Variants in PLD5 observed in about 807,000 individuals in gnomAD.
PLD5 encodes the protein phospholipase D family member 5, also known as inactive phospholipase D5.
Under a neutral mutation model 61.1 loss-of-function variants are expected in PLD5, and 36 were observed. The observed-to-expected ratio is 0.59, with a 90% CI of 0.45 to 0.78. The LOEUF is 0.78. Ranked by LOEUF, PLD5 falls within the 30% of genes least tolerant of loss-of-function variation. PLD5 has a pLI of 0.00. For synonymous variants in PLD5, 243 were observed against 242.8 expected, an observed-to-expected ratio of 1.00 and a Z score of -0.01; for missense variants, 515 against 644.4, an observed-to-expected ratio of 0.80 and a Z score of 2.17.
At chr1:242,452,783 A>C (rs1572179791) in intron 1 of PLD5, among the ~76,000 whole-genome samples, 1 of 152,064 alleles carries the variant, frequency 6.6e-6, no homozygotes, top group Non-Finnish European at 1.5e-5. Flanking sequence ...GCCACTGCAC[A>C]CCAGCCTGGG....
At position 242,390,487 on chromosome 1, in the gene PLD5, G is replaced by T. The variant is rs536302417; in HGVS notation, c.190-42245C>A. 2.0e-5 allele frequency among the ~76,000 whole-genome samples: 3 copies of T among 152,216 alleles called. No homozygotes were observed. In the South Asian group the frequency reaches 6.2e-4, roughly 32 times the overall value. Reference sequence around the variant, plus strand: ...CTGGTGGCAAATAAAAGGATATAATGTTAAAACATTCCATGAGCAAAACCC... The same window carrying T: ...CTGGTGGCAAATAAAAGGATATAATTTTAAAACATTCCATGAGCAAAACCC... On this transcript the variant is annotated intron_variant, in intron 1 of 9. Coordinates refer to ENST00000536534, the MANE Select transcript of PLD5 (RefSeq NM_001372062.1).
At chr1:242,396,106 T>C (rs1266264940) in intron 1 of PLD5, among the ~76,000 whole-genome samples, 1 of 152,148 alleles carries the variant, frequency 6.6e-6, no homozygotes, top group African/African-American at 2.4e-5. Context: ...CAGTTCCTTA[T>C]GACTGGAGAC....
intron 1 of PLD5, among the ~76,000 whole-genome samples, chr1:242,407,556 G>GGTTTTT (rs1553369639): frequency 9.5e-6 from 1 of 105,514 alleles, no homozygotes; most frequent in African/African-American, 4.7e-5. Flanking sequence ...TGTTGTGGTT[G>GGTTTTT]TTTTGTTTTT....
Position 242,486,171 on chromosome 1 carries a change from G to A in PLD5, c.189+37917C>T, listed in dbSNP as rs369024008. Among the ~76,000 whole-genome samples, 16 of 151,932 alleles carry A rather than the reference G, an allele frequency of 1.1e-4. 1 individual carries two copies. Among genetic ancestry groups the A allele is most frequent in the African/African-American group, 2.9e-4 (12 of 41,470 alleles). ...TAGGCATGGGCAAGGACTTCATGTCGAAAACACCAAAAGCAATGGCAACAA... is the reference window on the plus strand; with the variant it reads ...TAGGCATGGGCAAGGACTTCATGTCAAAAACACCAAAAGCAATGGCAACAA... On this transcript the variant is annotated intron_variant, in intron 1 of 9. Transcript: ENST00000536534.
intron 5 of PLD5, among the ~76,000 whole-genome samples, chr1:242,139,444 T>C (rs1663996639): frequency 6.6e-6 from 1 of 152,070 alleles, no homozygotes; most frequent in African/African-American, 2.4e-5. Flanking sequence ...AACTTGCTTT[T>C]CCAAGGGTTC....
chr1:242,322,778 T>C (rs1658502816), intron 2 of PLD5, among the ~76,000 whole-genome samples: 1 of 152,242 alleles, frequency 6.6e-6, no homozygotes, highest in Non-Finnish European at 1.5e-5. Flanking sequence ...GCCACAAGTG[T>C]AAGTTTCCTG....
chr1:242,236,180 A>T (rs974330113), intron 4 of PLD5, among the ~76,000 whole-genome samples: 3 of 152,200 alleles, frequency 2.0e-5, no homozygotes, highest in African/African-American at 7.2e-5. Flanking sequence ...TCTTCACCAG[A>T]CATGGAATCT....
chr1:242,373,864 T>A (rs1469254600), intron 1 of PLD5, among the ~76,000 whole-genome samples: 1 of 151,956 alleles, frequency 6.6e-6, no homozygotes, highest in African/African-American at 2.4e-5. Flanking sequence ...GGAGATATAA[T>A]GTAAATGACG....
chr1:242,194,612 A>G (rs1458814714), intron 5 of PLD5, among the ~76,000 whole-genome samples: 1 of 82,122 alleles, frequency 1.2e-5, no homozygotes, highest in African/African-American at 5.1e-5. Flanking sequence ...CTATGTATCT[A>G]TCTATGTATC....
intron 1 of PLD5, among the ~76,000 whole-genome samples, chr1:242,482,336 C>T (rs952007978): frequency 1.3e-5 from 2 of 152,196 alleles, no homozygotes; most frequent in South Asian, 4.1e-4. Flanking sequence ...TGGCTAACTA[C>T]AATAACCAAT....
At chr1:242,226,650 T>G (rs1449694494) in intron 4 of PLD5, among the ~76,000 whole-genome samples, 1 of 152,224 alleles carries the variant, frequency 6.6e-6, no homozygotes, top group Non-Finnish European at 1.5e-5. Context: ...CTAATCAAGA[T>G]AAAGTGATGC....
At chr1:242,498,198 C>T (rs755170402) in intron 1 of PLD5, among the ~76,000 whole-genome samples, 3 of 152,156 alleles carry the variant, frequency 2.0e-5, no homozygotes, top group African/African-American at 4.8e-5. Context: ...CTCCTGACCT[C>T]GTGATCCGCC....
intron 5 of PLD5, among the ~76,000 whole-genome samples, chr1:242,202,110 A>G (rs1669021280): frequency 6.6e-6 from 1 of 152,180 alleles, no homozygotes; most frequent in African/African-American, 2.4e-5. Flanking sequence ...GGTACTCAGG[A>G]GGCTGAGGCA....
chr1:242,111,838 G>A (rs183573472), intron 7 of PLD5, among the ~76,000 whole-genome samples: 2 of 152,220 alleles, frequency 1.3e-5, no homozygotes, highest in African/African-American at 4.8e-5. Flanking sequence ...AATAAAAGAA[G>A]TTTCATTTAA....
Position 242,154,739 on chromosome 1 carries a change from G to A in PLD5, c.736-30074C>T, listed in dbSNP as rs183615587. 2.6e-3 allele frequency among the ~76,000 whole-genome samples: 403 copies of A among 152,104 alleles called. 6 individuals are homozygous for A. Among genetic ancestry groups the A allele is most frequent in the African/African-American group, 7.5e-3 (313 of 41,476 alleles). ...AGCTTTTTGATGTGCTGCTGGATTCGGTTTGCCAGTATTCTATTGAGGATT... is the reference window on the plus strand; with the variant it reads ...AGCTTTTTGATGTGCTGCTGGATTCAGTTTGCCAGTATTCTATTGAGGATT... On this transcript the variant is annotated intron_variant, in intron 5 of 9. Coordinates refer to ENST00000536534, the MANE Select transcript of PLD5 (RefSeq NM_001372062.1).
At chr1:242,408,875 T>C (rs890705565) in intron 1 of PLD5, among the ~76,000 whole-genome samples, 10 of 152,088 alleles carry the variant, frequency 6.6e-5, no homozygotes, top group Admixed American at 6.6e-4. Context: ...GAGACCAGCC[T>C]GGCCAACATG....
At position 242,217,152 on chromosome 1, in the gene PLD5, T is replaced by C. The variant is rs187175944; in HGVS notation, c.735+2836A>G. On this transcript the variant is annotated intron_variant, in intron 5 of 9. Coordinates refer to ENST00000536534, the MANE Select transcript of PLD5 (RefSeq NM_001372062.1). ...CGAAGATGGGCAAGGAGATGAATGT[T>C]GTCTACATGTCTGATAACACAACAT... 9.8e-5 allele frequency among the ~76,000 whole-genome samples: 15 copies of C among 152,350 alleles called. 1 individual carries two copies. In the East Asian group the frequency reaches 2.9e-3, roughly 29 times the overall value.
intron 3 of PLD5, among the ~76,000 whole-genome samples, chr1:242,281,419 T>C (rs1674711955): frequency 6.6e-6 from 1 of 152,064 alleles, no homozygotes; most frequent in South Asian, 2.1e-4. Context: ...GTCTTCAATA[T>C]AGAACAAAAC....
At chr1:242,152,156 C>T (rs1016130903) in intron 5 of PLD5, among the ~76,000 whole-genome samples, 1 of 151,918 alleles carries the variant, frequency 6.6e-6, no homozygotes, top group East Asian at 1.9e-4. Context: ...GGGGATAATC[C>T]GTTTTCTTGC....
Sources: allele counts gnomAD v4.1 joint callset (sites outside exome capture counted in the v4.1 genomes callset), GRCh38; gene constraint gnomAD v4.1.1; transcripts MANE v1.5; gene names NCBI Gene and HGNC (gene_info 2026-07-23, HGNC 2026-07-21).